MON1B: variants seen among roughly 807,000 people sequenced by gnomAD.
MON1B encodes MON1 vesicular trafficking associated B.
Under a neutral mutation model 45.1 loss-of-function variants are expected in MON1B, and 26 were observed. The observed-to-expected ratio is 0.58, with a 90% CI of 0.42 to 0.80. The LOEUF (loss-of-function observed/expected upper bound fraction) is 0.80, where lower values mean the gene tolerates loss of function less well. Ranked by LOEUF, MON1B falls within the 30% of genes least tolerant of loss-of-function variation. MON1B has a pLI of 0.00. For synonymous variants in MON1B, 395 were observed against 320.2 expected, an observed-to-expected ratio of 1.23 and a Z score of -2.49; for missense variants, 737 against 754.5, an observed-to-expected ratio of 0.98 and a Z score of 0.27.
At chr16:77,195,234 C>T in intron 4 of MON1B, 80 bp downstream of exon 4, 5 of 1,324,206 alleles carry the variant, frequency 3.8e-6, no homozygotes, top group Non-Finnish European at 5.0e-6. Context: ...GGATGTGACT[C>T]AGGAGAGATA....
chr16:77,192,105 G>C (rs553036457), intron 2 of MON1B, among the ~76,000 whole-genome samples: 1 of 152,290 alleles, frequency 6.6e-6, no homozygotes, highest in East Asian at 1.9e-4. Context: ...GACTGTTGGG[G>C]AAGTCTTTAA....
rs1301422463 is a variant in MON1B, at chr16:77,199,361, C to T, written c.*1053C>T. On this transcript the variant is annotated 3_prime_UTR_variant, in exon 6 of 6. Transcript: ENST00000248248. Reference sequence around the variant, plus strand: ...ACCGCTGGCGTAACCGCGGGTTGCACGCATGCGTGCTGAAAAGCCTTTCAC... The same window carrying T: ...ACCGCTGGCGTAACCGCGGGTTGCATGCATGCGTGCTGAAAAGCCTTTCAC... The T allele has an allele frequency of 1.5e-6, 2 of 1,324,886 alleles. No individual in the cohort carries two copies. The highest frequency in any genetic ancestry group is 2.1e-6 in the Non-Finnish European group (2 of 950,022). The allele number at this position is 1,324,886 out of a possible 1,614,324, so 82.1% of individuals were successfully genotyped here. A position where few individuals can be genotyped will look rare whatever the true frequency, so the allele number is the denominator to read the frequency against.
At chr16:77,192,582 G>C (rs1452788239) in intron 2 of MON1B, among the ~76,000 whole-genome samples, 3 of 152,086 alleles carry the variant, frequency 2.0e-5, no homozygotes, top group Non-Finnish European at 4.4e-5. Flanking sequence ...TGGATATTAT[G>C]ATGGTTACTG....
At position 77,191,301 on chromosome 16, in the gene MON1B, T is replaced by G. The variant is rs1451235093; in HGVS notation, c.-11+43T>G. 4 of 1,537,562 alleles carry G rather than the reference T, an allele frequency of 2.6e-6. No individual in the cohort carries two copies. The Admixed American group carries it at 6.1e-5, about 23-fold the overall frequency. On this transcript the variant is annotated intron_variant, in intron 1 of 5. Transcript: ENST00000248248. ...TTTCCTGAGGCCCAGTAGAGTCTCC[T>G]CTTTTCGGAAAGTGTTGGAGGGGGG...
At chr16:77,191,739 G>T in intron 2 of MON1B, 106 bp downstream of exon 2, 1 of 1,346,182 alleles carries the variant, frequency 7.4e-7, no homozygotes, top group Non-Finnish European at 1.0e-6. Flanking sequence ...GGACTTAAGA[G>T]AAGTGGCTTA....
In MON1B at chr16:77,195,572, C is replaced by G; in HGVS notation, c.1333C>G (p.Arg445Gly). 1 of 1,613,718 alleles carries G rather than the reference C, an allele frequency of 6.2e-7. No individual in the cohort carries two copies. Among genetic ancestry groups the G allele is most frequent in the Non-Finnish European group, 8.5e-7 (1 of 1,179,878 alleles). Residue 445 changes from arginine to glycine, a missense_variant, in exon 5 of 6, where the codon CGG (arginine) becomes GGG (glycine). Arg to Gly is a moderately radical substitution (Grantham distance 125). Transcript: ENST00000248248. ...GGCCCCCTACAGCAGAGAGGAGGAG[C>G]GGCAGCGGCTGTCGGACCTGTACCA... ...LEAPYSREEERQRLSDLYHRL... is the reference protein window; with the variant it reads ...LEAPYSREEEGQRLSDLYHRL...
Position 77,193,963 on chromosome 16 carries a change from T to C in MON1B, c.475+186T>C. 1.6e-6 allele frequency: 1 copy of C among 637,300 alleles called. No homozygotes were observed. Among genetic ancestry groups the C allele is most frequent in the Non-Finnish European group, 2.7e-6 (1 of 370,908 alleles). 39.5% of individuals were successfully genotyped at this position (637,300 alleles called of 1,614,324 possible). A position where few individuals can be genotyped will look rare whatever the true frequency, so the allele number is the denominator to read the frequency against. ...CATCTCTGTCTGGCCTGCTGGTTTC[T>C]TAGTGATTGACTTGCTGGGATCTCA... On this transcript the variant is annotated intron_variant, in intron 3 of 5. Transcript: ENST00000248248. This position sits in a 1 kb window ranked among gnomAD's most constrained non-coding sequence, Gnocchi z 5.0.
chr16:77,197,976 G>C, intron 5 of MON1B, 132 bp from the exon 6 acceptor site: 1 of 866,964 alleles, frequency 1.2e-6, no homozygotes, highest in Non-Finnish European at 1.8e-6. Flanking sequence ...TATCTAGGCA[G>C]CACCTGGTAG....
chr16:77,200,341 A>G lies in MON1B; in HGVS notation c.*2033A>G, dbSNP rs1597380481. On this transcript the variant is annotated 3_prime_UTR_variant, in exon 6 of 6. Coordinates refer to ENST00000248248, the MANE Select transcript of MON1B (RefSeq NM_014940.4). ...GTGGTGTGGGCCTGTAATCGCAGCT[A>G]CTCAGGAAGCTGAGGCAGGAGAATC... 1 of 146,420 alleles carries G rather than the reference A, an allele frequency of 6.8e-6. No homozygotes were observed. The highest frequency in any genetic ancestry group is 2.0e-4 in the East Asian group (1 of 5,086). The allele number at this position is 146,420 out of a possible 1,614,324, so 9.1% of individuals were successfully genotyped here.
At chr16:77,195,474 A>C in intron 4 of MON1B, 61 bp from the exon 5 acceptor site, 1 of 1,531,012 alleles carries the variant, frequency 6.5e-7, no homozygotes, top group Non-Finnish European at 8.8e-7. Flanking sequence ...TGAGGGAGGA[A>C]ATGGGCCAGC....
At position 77,199,526 on chromosome 16, in the gene MON1B, GTGGGCTGC is replaced by G; in HGVS notation, c.*1219_*1226del. The G allele has an allele frequency of 6.5e-7, 1 of 1,547,612 alleles. No homozygotes were observed. The highest frequency in any genetic ancestry group is 1.2e-5 in the South Asian group (1 of 83,956). ...AGGAGGCTGAAGGTAGTGAGGGCAAGTGGGCTGCACTCCTTTCTCTCCAACCAGGGCAG... is the reference window on the plus strand; with the variant it reads ...AGGAGGCTGAAGGTAGTGAGGGCAAGACTCCTTTCTCTCCAACCAGGGCAG... On this transcript the variant is annotated 3_prime_UTR_variant, in exon 6 of 6. Transcript: ENST00000248248.
At position 77,200,266 on chromosome 16, in the gene MON1B, A is replaced by ATATATG. The variant is rs1555502397; in HGVS notation, c.*1960_*1965dup. 11 of 111,310 alleles carry ATATATG rather than the reference A, an allele frequency of 9.9e-5. No individual in the cohort carries two copies. Among genetic ancestry groups the ATATATG allele is most frequent in the South Asian group, 5.7e-4 (2 of 3,518 alleles). 6.9% of individuals were successfully genotyped at this position (111,310 alleles called of 1,614,324 possible). ...TATATATGTATATGTGTATATATAT[A>ATATATG]TATATGTGTATATATATATATATAT... On this transcript the variant is annotated 3_prime_UTR_variant, in exon 6 of 6. Transcript: ENST00000248248.
rs990599585 is a variant in MON1B at position 77,191,244 on chromosome 16, T to G, written c.-25T>G. The G allele has an allele frequency of 2.0e-6, 3 of 1,537,546 alleles. No homozygotes were observed. ...GTAATGGTATCCGGCCAATTGAGAT[T>G]CGGAGTTAAAACAGGTGTTTGTATA... On this transcript the variant is annotated 5_prime_UTR_variant, in exon 1 of 6. The change creates a new upstream start codon in the 5' untranslated region. Coordinates refer to ENST00000248248, the MANE Select transcript of MON1B (RefSeq NM_014940.4).
In MON1B at chr16:77,198,376, T is replaced by G; in HGVS notation, c.*68T>G. ...TTTGTTTTTTACCTTCTGTCTACCC[T>G]GGAAATGTGTGTGGGGGTGTGTCTG... On this transcript the variant is annotated 3_prime_UTR_variant, in exon 6 of 6. Coordinates refer to ENST00000248248, the MANE Select transcript of MON1B (RefSeq NM_014940.4). 1 of 1,500,918 alleles carries G rather than the reference T, an allele frequency of 6.7e-7. No homozygotes were observed. The highest frequency in any genetic ancestry group is 1.7e-5 in the Admixed American group (1 of 59,272). 93.0% of individuals were successfully genotyped at this position (1,500,918 alleles called of 1,614,324 possible).
In MON1B at chr16:77,198,457, G is replaced by T; in HGVS notation, c.*149G>T. On this transcript the variant is annotated 3_prime_UTR_variant, in exon 6 of 6. Coordinates refer to ENST00000248248, the MANE Select transcript of MON1B (RefSeq NM_014940.4). ...GCAAGGTCTGAGGGCCCACCGATGA[G>T]AGAGATGGTGGCAGCCGCCAGGCGA... 1.2e-6 allele frequency: 1 copy of T among 849,998 alleles called. No individual in the cohort carries two copies. Among genetic ancestry groups the T allele is most frequent in the Non-Finnish European group, 1.8e-6 (1 of 550,954 alleles). 52.7% of individuals were successfully genotyped at this position (849,998 alleles called of 1,614,324 possible). A position where few individuals can be genotyped will look rare whatever the true frequency, so the allele number is the denominator to read the frequency against.
Position 77,199,417 on chromosome 16 carries a change from C to T in MON1B, c.*1109C>T. ...CGTGGTTTCTTTTTTAACCAGTCAT[C>T]AAGCGAGGCTCGCGCGCAGGCCCCG... is the stretch of plus-strand genomic sequence containing the variant. On this transcript the variant is annotated 3_prime_UTR_variant, in exon 6 of 6. Coordinates refer to ENST00000248248, the MANE Select transcript of MON1B (RefSeq NM_014940.4). The T allele has an allele frequency of 5.2e-6, 8 of 1,549,314 alleles. No individual in the cohort carries two copies. The highest frequency in any genetic ancestry group is 1.4e-5 in the African/African-American group (1 of 73,046).
In MON1B at chr16:77,198,787, A is replaced by G. The variant is rs1007873612; in HGVS notation, c.*479A>G. 5 of 175,918 alleles carry G rather than the reference A, an allele frequency of 2.8e-5. No homozygotes were observed. Among genetic ancestry groups the G allele is most frequent in the Non-Finnish European group, 6.2e-5 (5 of 80,758 alleles). The allele number at this position is 175,918 out of a possible 1,614,324, so 10.9% of individuals were successfully genotyped here. ...AAAAAAACTACATAAAAGGCCTAAA[A>G]GTAAGACCCACAAGGATATTCCTTT... is the stretch of plus-strand genomic sequence containing the variant. On this transcript the variant is annotated 3_prime_UTR_variant, in exon 6 of 6. Coordinates refer to ENST00000248248, the MANE Select transcript of MON1B (RefSeq NM_014940.4).
chr16:77,191,876 A>T (rs562537292), intron 2 of MON1B, among the ~76,000 whole-genome samples: 4 of 152,136 alleles, frequency 2.6e-5, no homozygotes, highest in Non-Finnish European at 2.9e-5. Flanking sequence ...TGAGGAATCA[A>T]AAAGGGGGCT....
rs1047007014 is a variant in MON1B at position 77,201,438 on chromosome 16, C to T, written c.*3130C>T. The stretch of plus-strand genomic sequence containing the variant: ...TGCCATTTCTAGCCCATCAAATCGG[C>T]TTTATAAAGGGAAGCATAGTATCTG... On this transcript the variant is annotated 3_prime_UTR_variant, in exon 6 of 6. Coordinates refer to ENST00000248248, the MANE Select transcript of MON1B (RefSeq NM_014940.4). 7 of 152,150 alleles carry T rather than the reference C, an allele frequency of 4.6e-5. No individual in the cohort carries two copies. Among genetic ancestry groups the T allele is most frequent in the African/African-American group, 1.4e-4 (6 of 41,420 alleles). 9.4% of individuals were successfully genotyped at this position (152,150 alleles called of 1,614,324 possible).
Sources: allele counts gnomAD v4.1 joint callset (sites outside exome capture counted in the v4.1 genomes callset), GRCh38; gene constraint gnomAD v4.1.1; non-coding constraint Gnocchi (gnomAD v3.1); transcripts MANE v1.5; gene names NCBI Gene and HGNC (gene_info 2026-07-23, HGNC 2026-07-21).